Variants in CENPK observed in about 807,000 individuals in gnomAD.
The protein encoded by CENPK is centromere protein K.
In CENPK, 46 loss-of-function variants were observed where a neutral mutation model predicts 40.9. That is an observed-to-expected ratio of 1.13 (90% confidence interval 0.89 to 1.44). The LOEUF is 1.44. Among genes scored for constraint, CENPK ranks in the 40% most tolerant of loss-of-function variants. The probability of loss-of-function intolerance (pLI) is 0.00; values close to 1 mark genes in which losing one functional copy is unlikely to be tolerated. For missense variants in CENPK, 288 were observed against 303.5 expected (o/e 0.95, Z 0.38); for synonymous variants, 107 against 104.4 (o/e 1.02, Z -0.15).
intron 6 of CENPK, among the ~76,000 whole-genome samples, chr5:65,533,905 C>T (rs1183857813): frequency 1.3e-5 from 2 of 151,468 alleles, no homozygotes; most frequent in Non-Finnish European, 2.9e-5. Flanking sequence ...ATTAGCCAGG[C>T]GCACTAGTGG....
the CENPK span, among the ~76,000 whole-genome samples, chr5:65,496,526 T>C: frequency 2.6e-5 from 4 of 152,194 alleles, no homozygotes; most frequent in Non-Finnish European, 5.9e-5. Context: ...TTATATAGTA[T>C]AATCATAAAG....
chr5:65,495,883 T>C, the CENPK span, among the ~76,000 whole-genome samples: 4 of 152,178 alleles, frequency 2.6e-5, no homozygotes, highest in Non-Finnish European at 4.4e-5. Context: ...AGGGTTCCAT[T>C]AAATGGGCAC....
intron 6 of CENPK, among the ~76,000 whole-genome samples, chr5:65,536,612 T>C (rs66971305): frequency 1.3e-5 from 2 of 151,526 alleles, no homozygotes; most frequent in Non-Finnish European, 2.9e-5. Flanking sequence ...AACAGAGTAA[T>C]AACCTGTTTC....
At chr5:65,538,174 T>A (rs994907009) in intron 6 of CENPK, among the ~76,000 whole-genome samples, 3 of 152,210 alleles carry the variant, frequency 2.0e-5, no homozygotes, top group African/African-American at 7.2e-5. Context: ...TTTTTTCTTA[T>A]CCTGTGGATG....
At chr5:65,556,316 A>T (rs1015129620) in intron 2 of CENPK, among the ~76,000 whole-genome samples, 5 of 152,030 alleles carry the variant, frequency 3.3e-5, no homozygotes, top group South Asian at 2.1e-4. Context: ...CTATAAAAAA[A>T]TTTTAAAAAT....
intron 2 of CENPK, among the ~76,000 whole-genome samples, chr5:65,559,870 AT>A (rs1177334233): frequency 6.6e-6 from 1 of 152,080 alleles, no homozygotes; most frequent in African/African-American, 2.4e-5. Context: ...GGAGAAAAAA[AT>A]AATCCAAATA....
chr5:65,509,654 A>G, the CENPK span, among the ~76,000 whole-genome samples: 15 of 152,352 alleles, frequency 9.8e-5, no homozygotes, highest in African/African-American at 3.4e-4. Flanking sequence ...GTCAATACCT[A>G]GGAGTGTAAT....
chr5:65,518,382 T>C lies in CENPK; in HGVS notation c.*93A>G, dbSNP rs1743084567. The C allele has an allele frequency of 6.9e-6, 9 of 1,304,582 alleles. No homozygotes were observed. In the Admixed American group the frequency reaches 1.2e-4, roughly 17 times the overall value. The allele number at this position is 1,304,582 out of a possible 1,614,324, so 80.8% of individuals were successfully genotyped here. The stretch of plus-strand genomic sequence containing the variant: ...AAGTAAGATGGCCTATGCGCATTAA[T>C]TTGCAAATAATGTTTTTTATCCAAA... On this transcript the variant is annotated 3_prime_UTR_variant, in exon 11 of 11. Transcript: ENST00000396679.
At chr5:65,540,689 T>C (rs1418605381) in intron 6 of CENPK, among the ~76,000 whole-genome samples, 4 of 152,136 alleles carry the variant, frequency 2.6e-5, no homozygotes, top group African/African-American at 9.7e-5. Flanking sequence ...AGCTTCTAGA[T>C]AGCTGAACAC....
intron 5 of CENPK, among the ~76,000 whole-genome samples, chr5:65,549,950 C>T (rs1181949069): frequency 6.6e-6 from 1 of 151,942 alleles, no homozygotes; most frequent in African/African-American, 2.4e-5. Context: ...AGGTGGACCA[C>T]GAGGTTAGGA....
At chr5:65,553,346 A>T (rs1375271789) in intron 3 of CENPK, among the ~76,000 whole-genome samples, 5 of 148,462 alleles carry the variant, frequency 3.4e-5, no homozygotes, top group Non-Finnish European at 3.0e-5. Context: ...CATTAACAAT[A>T]GCTGATCAGC....
At chr5:65,519,069 A>C in intron 10 of CENPK, among the ~76,000 whole-genome samples, 1 of 152,188 alleles carries the variant, frequency 6.6e-6, no homozygotes, top group South Asian at 2.1e-4. Context: ...TCTTTGCAAG[A>C]GTCAATTTTA....
At chr5:65,540,904 C>T (rs1386113423) in intron 6 of CENPK, among the ~76,000 whole-genome samples, 1 of 151,500 alleles carries the variant, frequency 6.6e-6, no homozygotes, top group African/African-American at 2.4e-5. Flanking sequence ...ACCTCCCAGG[C>T]TCAAGCAATC....
intron 6 of CENPK, among the ~76,000 whole-genome samples, chr5:65,537,378 C>T (rs1336294445): frequency 6.6e-6 from 1 of 152,212 alleles, no homozygotes; most frequent in Non-Finnish European, 1.5e-5. Flanking sequence ...GATCTCGGCT[C>T]ACTGCAAGGT....
intron 6 of CENPK, chr5:65,541,583 G>A: frequency 2.5e-6 from 1 of 397,080 alleles, no homozygotes; most frequent in Non-Finnish European, 5.1e-6. Flanking sequence ...CTTTCCAGGT[G>A]AGACCTATCA....
intron 5 of CENPK, among the ~76,000 whole-genome samples, chr5:65,549,947 C>A (rs759276689): frequency 8.6e-5 from 13 of 151,974 alleles, no homozygotes; most frequent in Admixed American, 3.3e-4. Flanking sequence ...AGCAGGTGGA[C>A]CACGAGGTTA....
chr5:65,560,075 C>A (rs1751699486), intron 2 of CENPK, among the ~76,000 whole-genome samples: 1 of 151,782 alleles, frequency 6.6e-6, no homozygotes, highest in African/African-American at 2.4e-5. Context: ...GATGAAAACA[C>A]AGAAACTTTT....
At chr5:65,496,778 G>C in the CENPK span, among the ~76,000 whole-genome samples, 4 of 151,986 alleles carry the variant, frequency 2.6e-5, no homozygotes, top group Non-Finnish European at 5.9e-5. Flanking sequence ...AAAAGGCTGG[G>C]TGCGATGGCT....
chr5:65,559,895 T>A (rs444045), intron 2 of CENPK, among the ~76,000 whole-genome samples: 78,220 of 151,662 alleles, frequency 0.52, 20,444 homozygotes, highest in Non-Finnish European at 0.55. Context: ...ATATATTTTA[T>A]ATATAATACT....
Sources: allele counts gnomAD v4.1 joint callset (sites outside exome capture counted in the v4.1 genomes callset), GRCh38; gene constraint gnomAD v4.1.1; transcripts MANE v1.5; gene names NCBI Gene and HGNC (gene_info 2026-07-23, HGNC 2026-07-21).